Variants in MB observed in about 807,000 individuals in gnomAD.
MB encodes myoglobin.
In MB, 10 loss-of-function variants were observed where a neutral mutation model predicts 14.5. The observed-to-expected ratio is 0.69, with a 90% CI of 0.43 to 1.17. MB has a LOEUF of 1.17. Ranked by LOEUF, MB falls within the 50% of genes most tolerant of loss-of-function variation. The probability of loss-of-function intolerance (pLI) is 0.00; values close to 1 mark genes in which losing one functional copy is unlikely to be tolerated. For missense variants in MB, 169 were observed against 192.7 expected, an observed-to-expected ratio of 0.88 and a Z score of 0.73; for synonymous variants, 89 against 78.6, an observed-to-expected ratio of 1.13 and a Z score of -0.70.
At chr22:35,609,023 C>T (rs987362697) in intron 2 of MB, among the ~76,000 whole-genome samples, 3 of 152,144 alleles carry the variant, frequency 2.0e-5, no homozygotes, top group Admixed American at 1.3e-4. Flanking sequence ...TCAGATTAAG[C>T]ATGTTTTAGG....
chr22:35,610,337 C>G (rs901564604), intron 2 of MB, among the ~76,000 whole-genome samples: 3 of 152,176 alleles, frequency 2.0e-5, no homozygotes, highest in African/African-American at 7.2e-5. Context: ...GATGCTGGAA[C>G]CAATAGAGCC....
At chr22:35,613,690 G>T (rs941461289) in intron 1 of MB, among the ~76,000 whole-genome samples, 2 of 151,980 alleles carry the variant, frequency 1.3e-5, no homozygotes, top group African/African-American at 2.4e-5. Flanking sequence ...AGAGAAGGGG[G>T]GTCTCACTAT....
At chr22:35,620,164 T>C (rs1368205943), upstream of MB, among the ~76,000 whole-genome samples, 1 of 152,138 alleles carries the variant, frequency 6.6e-6, no homozygotes, top group Non-Finnish European at 1.5e-5. Flanking sequence ...TCAAGCCCTG[T>C]CTCTACTAAA....
At chr22:35,611,252 C>T (rs1481188804) in intron 1 of MB, 146 bp from the exon 2 acceptor site, 1 of 632,104 alleles carries the variant, frequency 1.6e-6, no homozygotes, top group Non-Finnish European at 2.8e-6. Context: ...CCTCAGCTTC[C>T]TCATATAAGG....
At chr22:35,610,318 A>T (rs1271043521) in intron 2 of MB, among the ~76,000 whole-genome samples, 1 of 152,136 alleles carries the variant, frequency 6.6e-6, no homozygotes, top group Non-Finnish European at 1.5e-5. Context: ...CTGTCTCTTC[A>T]TCTGTGAAGA....
chr22:35,616,452 T>G (rs1024838748), intron 1 of MB, among the ~76,000 whole-genome samples: 1 of 152,190 alleles, frequency 6.6e-6, no homozygotes, highest in Non-Finnish European at 1.5e-5. Context: ...CTAATGAGCC[T>G]CTATCTTCTG....
chr22:35,619,457 C>T (rs756844709), upstream of MB, among the ~76,000 whole-genome samples: 8 of 152,218 alleles, frequency 5.3e-5, no homozygotes, highest in Admixed American at 2.0e-4. Context: ...ACTGCCCCAC[C>T]TACACAGCTT....
intron 1 of MB, 57 bp from the exon 2 acceptor site, chr22:35,611,163 G>A (rs780808202): frequency 1.6e-6 from 2 of 1,273,668 alleles, no homozygotes; most frequent in Non-Finnish European, 2.3e-6. Context: ...AGGTCTGGGG[G>A]CAGCCAGACT....
rs1234719026 is a variant in MB at position 35,607,084 on chromosome 22, G to A, written c.*213C>T. On this transcript the variant is annotated 3_prime_UTR_variant, in exon 3 of 3. Coordinates refer to ENST00000397326, the MANE Select transcript of MB (RefSeq NM_005368.3). Reference sequence around the variant, plus strand: ...ACACAGTGAGCCAAGGGCCACTCCCGGTTCCCAGGGTGATGACATCCCACA... The same window carrying A: ...ACACAGTGAGCCAAGGGCCACTCCCAGTTCCCAGGGTGATGACATCCCACA... 10 of 500,162 alleles carry A rather than the reference G, an allele frequency of 2.0e-5. No individual in the cohort carries two copies. The highest frequency in any genetic ancestry group is 1.2e-4 in the South Asian group (3 of 24,902). The allele number at this position is 500,162 out of a possible 1,614,324, so 31.0% of individuals were successfully genotyped here. A position where few individuals can be genotyped will look rare whatever the true frequency, so the allele number is the denominator to read the frequency against.
At chr22:35,613,156 C>T (rs1005667527) in intron 1 of MB, among the ~76,000 whole-genome samples, 4 of 152,236 alleles carry the variant, frequency 2.6e-5, no homozygotes, top group African/African-American at 9.6e-5. Flanking sequence ...CTGACAGATG[C>T]AAGACCTGGC....
chr22:35,613,831 G>A (rs1312103718), intron 1 of MB, among the ~76,000 whole-genome samples: 1 of 152,130 alleles, frequency 6.6e-6, no homozygotes, highest in East Asian at 1.9e-4. Flanking sequence ...GCAGAATCGG[G>A]CTAATTTGTC....
chr22:35,619,800 G>T (rs1165843641), upstream of MB, among the ~76,000 whole-genome samples: 4 of 152,144 alleles, frequency 2.6e-5, no homozygotes, highest in Non-Finnish European at 5.9e-5. Context: ...CCTGGCTGGT[G>T]ACCATTCTAG....
At position 35,610,851 on chromosome 22, in the gene MB, G is replaced by T. The variant is rs759542944; in HGVS notation, c.318+33C>A. On this transcript the variant is annotated intron_variant, in intron 2 of 2. Transcript: ENST00000397326. ...CATTGCCCCACCCGAGGCCTTCCCC[G>T]CATCCTCCCACCTGCCCAGGCTCTG... 2.6e-6 allele frequency: 4 copies of T among 1,548,894 alleles called. No homozygotes were observed. In the East Asian group the frequency reaches 7.0e-5, roughly 27 times the overall value.
chr22:35,622,716 C>A (rs1459806240), intron 1 of MB, among the ~76,000 whole-genome samples: 1 of 152,134 alleles, frequency 6.6e-6, no homozygotes, highest in African/African-American at 2.4e-5. Context: ...ACCGACCTGC[C>A]TCCCCCCTCC....
chr22:35,613,232 G>T (rs1029753714), intron 1 of MB, among the ~76,000 whole-genome samples: 2 of 152,244 alleles, frequency 1.3e-5, no homozygotes, highest in Non-Finnish European at 2.9e-5. Flanking sequence ...GCAGGGCCAA[G>T]AATTTGGGCC....
intron 1 of MB, 104 bp downstream of exon 1, chr22:35,617,059 T>C: frequency 1.2e-6 from 1 of 832,636 alleles, no homozygotes; most frequent in South Asian, 1.4e-5. Context: ...CCTTAACTAA[T>C]GCAGCCAACT....
intron 1 of MB, among the ~76,000 whole-genome samples, chr22:35,614,673 G>A (rs1922924699): frequency 6.6e-6 from 1 of 152,100 alleles, no homozygotes. Context: ...CTTAAACAGA[G>A]CCCAGCAATC....
chr22:35,620,757 C>T (rs571503167), upstream of MB, among the ~76,000 whole-genome samples: 3 of 152,268 alleles, frequency 2.0e-5, no homozygotes, highest in East Asian at 1.9e-4. Context: ...CCTGAGGGTG[C>T]GGGGCAGGGC....
chr22:35,619,187 T>TTA (rs974390470), upstream of MB, among the ~76,000 whole-genome samples: 23 of 152,212 alleles, frequency 1.5e-4, no homozygotes, highest in Admixed American at 5.2e-4. Flanking sequence ...CAGAGTCTTT[T>TTA]TAGGGAGATA....
Sources: allele counts gnomAD v4.1 joint callset (sites outside exome capture counted in the v4.1 genomes callset), GRCh38; gene constraint gnomAD v4.1.1; transcripts MANE v1.5; gene names NCBI Gene and HGNC (gene_info 2026-07-23, HGNC 2026-07-21).